PELO: variants seen among roughly 807,000 people sequenced by gnomAD.
PELO encodes protein pelota homolog.
In PELO, 19 loss-of-function variants were observed where a neutral mutation model predicts 25.9. That is an observed-to-expected ratio of 0.73 (90% CI 0.51 to 1.08). The LOEUF is 1.08. Among genes scored for constraint, PELO ranks in the 50% least tolerant of loss-of-function variants. The pLI, the probability that PELO is intolerant of heterozygous loss-of-function variation, is 0.00. For missense variants in PELO, 498 were observed against 491.4 expected (o/e 1.01, Z -0.13); for synonymous variants, 196 against 192.2 (o/e 1.02, Z -0.16).
Position 52,801,886 on chromosome 5 carries a change from T to TA in PELO, c.*47dup, listed in dbSNP as rs1365267447. ...GACAATCTTGTGTTTCCTAAACTGT[T>TA]ACAGTACATTTCTCAGCATCCTTGT... On this transcript the variant is annotated 3_prime_UTR_variant, in exon 3 of 3. Transcript: ENST00000274311. 7.2e-7 allele frequency: 1 copy of TA among 1,393,742 alleles called. No individual in the cohort carries two copies. The highest frequency in any genetic ancestry group is 2.1e-5 in the Admixed American group (1 of 48,224). The allele number at this position is 1,393,742 out of a possible 1,614,324, so 86.3% of individuals were successfully genotyped here. A position where few individuals can be genotyped will look rare whatever the true frequency, so the allele number is the denominator to read the frequency against.
chr5:52,797,647 AAGG>A (rs1326877172), intron 1 of PELO, among the ~76,000 whole-genome samples: 1 of 152,140 alleles, frequency 6.6e-6, no homozygotes, highest in Non-Finnish European at 1.5e-5. Context: ...ATTTGCAGTG[AAGG>A]AGATGATTAC....
chr5:52,791,663 T>C (rs1748244106), intron 1 of PELO, among the ~76,000 whole-genome samples: 1 of 152,186 alleles, frequency 6.6e-6, no homozygotes, highest in Non-Finnish European at 1.5e-5. Flanking sequence ...TTTGCATGTA[T>C]TATTTCATTT....
chr5:52,798,815 T>A (rs1292141881), intron 1 of PELO, among the ~76,000 whole-genome samples: 1 of 152,178 alleles, frequency 6.6e-6, no homozygotes, highest in Non-Finnish European at 1.5e-5. Flanking sequence ...AGAAACACTT[T>A]ATGGTAAAGA....
At chr5:52,789,608 A>G (rs1748200085) in intron 1 of PELO, among the ~76,000 whole-genome samples, 4 of 152,208 alleles carry the variant, frequency 2.6e-5, no homozygotes, top group South Asian at 4.1e-4. Flanking sequence ...GAAATGTCCA[A>G]TAATCCAAAC....
At chr5:52,794,359 A>C (rs1170893007) in intron 1 of PELO, among the ~76,000 whole-genome samples, 1 of 152,038 alleles carries the variant, frequency 6.6e-6, no homozygotes, top group African/African-American at 2.4e-5. Context: ...TTTATTAATT[A>C]GACTTTTATT....
rs777743691 is a variant in PELO at position 52,801,748 on chromosome 5, C to G, written c.1066C>G (p.Leu356Val). 9 of 1,613,970 alleles carry G rather than the reference C, an allele frequency of 5.6e-6. No individual in the cohort carries two copies. Among genetic ancestry groups the G allele is most frequent in the Admixed American group, 1.7e-5 (1 of 60,004 alleles). Reference protein sequence around the residue: ...FSSLHVSGEQLSQLTGVAAIL... With the variant: ...FSSLHVSGEQVSQLTGVAAIL... ...TAGTCTTCACGTTTCTGGGGAACAG[C>G]TCAGCCAGTTGACTGGGGTAGCTGC... is the stretch of plus-strand genomic sequence containing the variant. Residue 356 changes from leucine (L) to valine (V), a missense_variant, in exon 3 of 3, where the codon CTC (leucine) becomes GTC (valine). Physicochemically the swap from Leu to Val is conservative, Grantham distance 32. Transcript: ENST00000274311.
chr5:52,788,750 C>T (rs922090626), intron 1 of PELO, among the ~76,000 whole-genome samples: 1 of 152,272 alleles, frequency 6.6e-6, no homozygotes, highest in South Asian at 2.1e-4. Flanking sequence ...TCCTCCCCTC[C>T]ACCCTTTTTT....
In PELO at chr5:52,800,814, G is replaced by T. The variant is rs1748461412; in HGVS notation, c.420G>T (p.Val140=). Residue 140 remains valine, a synonymous_variant, in exon 2 of 3, where the codon GTG becomes GTT. Transcript: ENST00000274311. ...CCTGGAGCGCTGATGTGGCGGCTGT[G>T]GTCATGCAGGAAGGCCTCGCCCATA... The part of the protein sequence containing the change: ...DPAWSADVAA[V]VMQEGLAHIC... 1 of 1,611,228 alleles carries T rather than the reference G, an allele frequency of 6.2e-7. No homozygotes were observed. Among genetic ancestry groups the T allele is most frequent in the Non-Finnish European group, 8.5e-7 (1 of 1,178,202 alleles).
Position 52,788,275 on chromosome 5 carries a change from C to T in PELO, c.-650C>T. On this transcript the variant is annotated 5_prime_UTR_variant, in exon 1 of 3. Coordinates refer to ENST00000274311, the MANE Select transcript of PELO (RefSeq NM_015946.5). Reference sequence around the variant, plus strand: ...AACCGCGGCAGCGGGATAAGTGGCCCAGCCAGAGAGCGCAGCTCCCGCGCC... The same window carrying T: ...AACCGCGGCAGCGGGATAAGTGGCCTAGCCAGAGAGCGCAGCTCCCGCGCC... 2 of 1,170,052 alleles carry T rather than the reference C, an allele frequency of 1.7e-6. No individual in the cohort carries two copies. The highest frequency in any genetic ancestry group is 7.4e-5 in the Admixed American group (2 of 27,176). 72.5% of individuals were successfully genotyped at this position (1,170,052 alleles called of 1,614,324 possible).
intron 1 of PELO, among the ~76,000 whole-genome samples, chr5:52,791,461 GAGA>G (rs1284756804): frequency 6.6e-6 from 1 of 152,152 alleles, no homozygotes; most frequent in Non-Finnish European, 1.5e-5. Context: ...AAGCCCAGCA[GAGA>G]AGGAGTAAGG....
chr5:52,796,419 T>C lies in PELO; in HGVS notation c.-510-3466T>C, dbSNP rs147569963. Among the ~76,000 whole-genome samples the C allele has an allele frequency of 5.6e-3, 850 of 152,110 alleles. 8 individuals carry two copies. The highest frequency in any genetic ancestry group is 0.02 in the African/African-American group (820 of 41,552). ...TTATACTGATATAAAGTTACTGATA[T>C]AAAGTTTTCTATTTTAAACAGCCAA... On this transcript the variant is annotated intron_variant, in intron 1 of 2. Coordinates refer to ENST00000274311, the MANE Select transcript of PELO (RefSeq NM_015946.5).
At chr5:52,795,685 A>G (rs1298997802) in intron 1 of PELO, among the ~76,000 whole-genome samples, 1 of 151,918 alleles carries the variant, frequency 6.6e-6, no homozygotes, top group Non-Finnish European at 1.5e-5. Flanking sequence ...TGTTAAAATG[A>G]GCTCTTGTCC....
At position 52,796,810 on chromosome 5, in the gene PELO, A is replaced by C. The variant is rs186054055; in HGVS notation, c.-510-3075A>C. 2.3e-3 allele frequency among the ~76,000 whole-genome samples: 350 copies of C among 152,232 alleles called. 4 individuals are homozygous for C. Among genetic ancestry groups the C allele is most frequent in the Non-Finnish European group, 1.0e-3 (69 of 67,940 alleles). ...TAAATTAACATGGATTCAAGTTTAC[A>C]TGGTTTCAAGTTTGAGATAACATTT... On this transcript the variant is annotated intron_variant, in intron 1 of 2. Coordinates refer to ENST00000274311, the MANE Select transcript of PELO (RefSeq NM_015946.5).
Position 52,801,767 on chromosome 5 carries a change from T to C in PELO, c.1085T>C (p.Val362Ala), listed in dbSNP as rs1305320205. 1 of 1,613,936 alleles carries C rather than the reference T, an allele frequency of 6.2e-7. No homozygotes were observed. The highest frequency in any genetic ancestry group is 8.5e-7 in the Non-Finnish European group (1 of 1,179,928). ...SGEQLSQLTG[V>A]AAILRFPVPE... ...GAACAGCTCAGCCAGTTGACTGGGG[T>C]AGCTGCCATTCTCCGCTTCCCTGTT... Residue 362 changes from valine (V) to alanine (A), a missense_variant, in exon 3 of 3, where the codon GTA becomes GCA. Coordinates refer to ENST00000274311, the MANE Select transcript of PELO (RefSeq NM_015946.5).
chr5:52,797,640 T>C (rs1325425119), intron 1 of PELO, among the ~76,000 whole-genome samples: 1 of 152,106 alleles, frequency 6.6e-6, no homozygotes, highest in Admixed American at 6.5e-5. Context: ...GCACATAATT[T>C]GCAGTGAAGG....
chr5:52,801,110 A>T lies in PELO; in HGVS notation c.716A>T (p.Lys239Ile). Residue 239 changes from lysine to isoleucine, a missense_variant, in exon 2 of 3, where the codon AAA becomes ATA. Coordinates refer to ENST00000274311, the MANE Select transcript of PELO (RefSeq NM_015946.5). ...AAACTGCTCCTGGAAAACCGGTCCA[A>T]ATTTCTTCAGGTAAAACAATCTTAC... ...DNKLLLENRSKFLQVHASSGH... is the reference protein window; with the variant it reads ...DNKLLLENRSIFLQVHASSGH... 1 of 1,601,298 alleles carries T rather than the reference A, an allele frequency of 6.2e-7. No individual in the cohort carries two copies. Among genetic ancestry groups the T allele is most frequent in the South Asian group, 1.1e-5 (1 of 89,384 alleles).
At position 52,801,082 on chromosome 5, in the gene PELO, A is replaced by G; in HGVS notation, c.688A>G (p.Asn230Asp). ...YLFQQAVKTD[N>D]KLLLENRSKF... Reference sequence around the variant, plus strand: ...GTTTCAACAAGCAGTGAAGACCGACAACAAACTGCTCCTGGAAAACCGGTC... The same window carrying G: ...GTTTCAACAAGCAGTGAAGACCGACGACAAACTGCTCCTGGAAAACCGGTC... The change falls in exon 2 of 3, where the codon AAC becomes GAC. Residue 230 changes from asparagine (N) to aspartate (D), a missense_variant. Coordinates refer to ENST00000274311, the MANE Select transcript of PELO (RefSeq NM_015946.5). 2 of 1,610,438 alleles carry G rather than the reference A, an allele frequency of 1.2e-6. No individual in the cohort carries two copies. Among genetic ancestry groups the G allele is most frequent in the Non-Finnish European group, 1.7e-6 (2 of 1,177,964 alleles).
At chr5:52,793,425 A>G (rs1441424470) in intron 1 of PELO, among the ~76,000 whole-genome samples, 1 of 152,058 alleles carries the variant, frequency 6.6e-6, no homozygotes, top group Non-Finnish European at 1.5e-5. Flanking sequence ...GGAAGACACC[A>G]TCAGTTGAAA....
In PELO at chr5:52,788,191, A is replaced by G; in HGVS notation, c.-734A>G. 1 of 493,568 alleles carries G rather than the reference A, an allele frequency of 2.0e-6. No individual in the cohort carries two copies. The highest frequency in any genetic ancestry group is 4.4e-5 in the Admixed American group (1 of 22,988). 30.6% of individuals were successfully genotyped at this position (493,568 alleles called of 1,614,324 possible). On this transcript the variant is annotated 5_prime_UTR_variant, in exon 1 of 3. Coordinates refer to ENST00000274311, the MANE Select transcript of PELO (RefSeq NM_015946.5). ...GCATTTAGAGGAATTCGACGAAAAC[A>G]CAGGAAATCACTCCTCTCCCGCTCC...
Sources: allele counts gnomAD v4.1 joint callset (sites outside exome capture counted in the v4.1 genomes callset), GRCh38; gene constraint gnomAD v4.1.1; transcripts MANE v1.5; gene names NCBI Gene and HGNC (gene_info 2026-07-23, HGNC 2026-07-21).